Variants in DPYD observed in about 807,000 individuals in gnomAD.
DPYD encodes dihydropyrimidine dehydrogenase [NADP(+)].
DPYD carries 109 observed loss-of-function variants against 116.2 expected under a neutral mutation model. The observed-to-expected ratio is 0.94, with a 90% CI of 0.80 to 1.10. The LOEUF is 1.10. Among genes scored for constraint, DPYD ranks in the 50% least tolerant of loss-of-function variants. DPYD has a pLI of 0.00. For synonymous variants in DPYD, 440 were observed against 432.0 expected (o/e 1.02, Z -0.23); for missense variants, 1,302 against 1,254.5 (o/e 1.04, Z -0.57).
chr1:97,897,925 A>G (rs1673163308), intron 1 of DPYD, among the ~76,000 whole-genome samples: 1 of 151,860 alleles, frequency 6.6e-6, no homozygotes, highest in African/African-American at 2.4e-5. Context: ...GAATTTTACC[A>G]TATTGGGTAC....
chr1:97,492,903 G>A (rs1261658274), intron 13 of DPYD, among the ~76,000 whole-genome samples: 1 of 151,920 alleles, frequency 6.6e-6, no homozygotes, highest in Admixed American at 6.6e-5. Context: ...TAAACCACAG[G>A]TTGAACATTT....
intron 3 of DPYD, among the ~76,000 whole-genome samples, chr1:97,766,190 G>A (rs1431211672): frequency 1.3e-5 from 2 of 152,052 alleles, no homozygotes; most frequent in Admixed American, 6.6e-5. Context: ...ATGGTGAGCC[G>A]AGATTGCGCC....
intron 16 of DPYD, among the ~76,000 whole-genome samples, chr1:97,314,959 T>A (rs1221032674): frequency 2.6e-5 from 4 of 151,874 alleles, no homozygotes; most frequent in Admixed American, 1.3e-4. Context: ...ATTCCAGGAA[T>A]CCCATGTTGC....
intron 3 of DPYD, among the ~76,000 whole-genome samples, chr1:97,763,476 C>T (rs1324224009): frequency 1.3e-5 from 2 of 151,770 alleles, no homozygotes; most frequent in African/African-American, 4.8e-5. Context: ...AAAAGCACAC[C>T]CAATCTACCT....
chr1:97,387,853 C>T (rs147511458), intron 14 of DPYD, among the ~76,000 whole-genome samples: 2 of 152,152 alleles, frequency 1.3e-5, no homozygotes, highest in African/African-American at 2.4e-5. Context: ...CAGGCAATAG[C>T]CAGATCTCTG....
chr1:97,623,920 G>T (rs1299233512), intron 8 of DPYD, among the ~76,000 whole-genome samples: 1 of 151,884 alleles, frequency 6.6e-6, no homozygotes, highest in African/African-American at 2.4e-5. Flanking sequence ...TGGGAAAACT[G>T]GATTTCCACA....
At chr1:97,691,581 A>C in intron 7 of DPYD, 136 bp downstream of exon 7, 2 of 738,692 alleles carry the variant, frequency 2.7e-6, no homozygotes, top group Non-Finnish European at 4.6e-6. Flanking sequence ...AGCAAGGGGA[A>C]GCATCTTTCT....
Position 97,822,043 on chromosome 1 carries a change from C to T in DPYD, c.233+6071G>A, listed in dbSNP as rs150662312. 9.3e-3 allele frequency among the ~76,000 whole-genome samples: 1,403 copies of T among 151,562 alleles called. 24 individuals are homozygous for T. Among genetic ancestry groups the T allele is most frequent in the African/African-American group, 0.032 (1,335 of 41,440 alleles). ...TTTTTAGTTTTCTCCATTTTTCCTT[C>T]ACTGTTTTTCTAATTATTCATAATA... On this transcript the variant is annotated intron_variant, in intron 3 of 22. Coordinates refer to ENST00000370192, the MANE Select transcript of DPYD (RefSeq NM_000110.4).
intron 16 of DPYD, among the ~76,000 whole-genome samples, chr1:97,323,373 T>A (rs62644178): frequency 0.027 from 1,877 of 70,522 alleles, 474 homozygotes; most frequent in East Asian, 0.07. Flanking sequence ...TATGTATACA[T>A]GTGTATATGT....
intron 8 of DPYD, among the ~76,000 whole-genome samples, chr1:97,652,120 C>T (rs1364609529): frequency 6.6e-6 from 1 of 151,932 alleles, no homozygotes; most frequent in East Asian, 1.9e-4. Flanking sequence ...TATATTCATT[C>T]TATAAATAGT....
rs541317742 is a variant in DPYD, at chr1:97,705,620, A to T, written c.484-6073T>A. Among the ~76,000 whole-genome samples the T allele has an allele frequency of 4.0e-3, 607 of 152,206 alleles. 4 individuals are homozygous for T. Among genetic ancestry groups the T allele is most frequent in the Non-Finnish European group, 7.0e-3 (475 of 68,010 alleles). On this transcript the variant is annotated intron_variant, in intron 5 of 22. Coordinates refer to ENST00000370192, the MANE Select transcript of DPYD (RefSeq NM_000110.4). ...CGTGTGCATGTGTCTTTATAGCAGCATGATTTATAATCCTTTGGGTATATA... is the reference window on the plus strand; with the variant it reads ...CGTGTGCATGTGTCTTTATAGCAGCTTGATTTATAATCCTTTGGGTATATA...
chr1:97,642,298 T>C (rs1657959923), intron 8 of DPYD, among the ~76,000 whole-genome samples: 1 of 151,988 alleles, frequency 6.6e-6, no homozygotes, highest in Admixed American at 6.6e-5. Flanking sequence ...ACATTAAGCA[T>C]GAAGAACAAA....
intron 10 of DPYD, among the ~76,000 whole-genome samples, chr1:97,582,995 G>A (rs891706275): frequency 2.0e-5 from 3 of 152,120 alleles, no homozygotes; most frequent in Non-Finnish European, 4.4e-5. Context: ...TTGAGATGGA[G>A]TCTGACTCTG....
At chr1:97,194,189 T>C (rs1210398234) in intron 19 of DPYD, among the ~76,000 whole-genome samples, 4 of 152,140 alleles carry the variant, frequency 2.6e-5, no homozygotes. Flanking sequence ...ACAAATCTCA[T>C]CTTGAATTGT....
chr1:97,273,580 C>T (rs1415236725), intron 18 of DPYD, among the ~76,000 whole-genome samples: 1 of 152,070 alleles, frequency 6.6e-6, no homozygotes, highest in Non-Finnish European at 1.5e-5. Context: ...AGGTGGTAAG[C>T]TATTTATAAA....
chr1:97,123,513 A>T (rs1420729760), intron 20 of DPYD, among the ~76,000 whole-genome samples: 1 of 152,162 alleles, frequency 6.6e-6, no homozygotes, highest in East Asian at 1.9e-4. Context: ...AAACAAAGTA[A>T]ATATATGAAG....
intron 18 of DPYD, among the ~76,000 whole-genome samples, chr1:97,256,403 G>C (rs1367665518): frequency 6.6e-6 from 1 of 152,012 alleles, no homozygotes; most frequent in African/African-American, 2.4e-5. Context: ...ATGTGTTGTG[G>C]GAGGGACCCG....
chr1:97,678,177 G>A (rs1360267477), intron 8 of DPYD, among the ~76,000 whole-genome samples: 1 of 152,110 alleles, frequency 6.6e-6, no homozygotes, highest in Non-Finnish European at 1.5e-5. Flanking sequence ...TAAGGAGCAT[G>A]CAACTTAGAT....
chr1:97,158,227 C>T (rs974654498), intron 20 of DPYD, among the ~76,000 whole-genome samples: 4 of 151,952 alleles, frequency 2.6e-5, no homozygotes, highest in Non-Finnish European at 5.9e-5. Flanking sequence ...TGCTCACAAC[C>T]AGTGAATTCA....
Sources: allele counts gnomAD v4.1 joint callset (sites outside exome capture counted in the v4.1 genomes callset), GRCh38; gene constraint gnomAD v4.1.1; transcripts MANE v1.5; gene names NCBI Gene and HGNC (gene_info 2026-07-23, HGNC 2026-07-21).